The following ANTXR2 variants were observed in gnomAD, a reference collection of about 807,000 sequenced individuals.
ANTXR2 encodes ANTXR cell adhesion molecule 2.
A neutral mutation model predicts 73.7 loss-of-function variants in ANTXR2; 44 were observed. The ratio of observed to expected loss-of-function variants is 0.60; its 90% CI spans 0.47 to 0.77. The LOEUF (loss-of-function observed/expected upper bound fraction) is 0.77, where lower values mean the gene tolerates loss of function less well. Ranked by LOEUF, ANTXR2 falls within the 30% of genes least tolerant of loss-of-function variation. ANTXR2 has a pLI of 0.00. For synonymous variants in ANTXR2, 217 were observed against 205.9 expected (o/e 1.05, Z -0.46); for missense variants, 604 against 592.5 (o/e 1.02, Z -0.20).
At chr4:79,930,813 T>C (rs1728026689) in intron 16 of ANTXR2, among the ~76,000 whole-genome samples, 3 of 152,216 alleles carry the variant, frequency 2.0e-5, no homozygotes, top group African/African-American at 4.8e-5. Context: ...TAAAAATAGA[T>C]ATAGTGTAAA....
chr4:79,963,102 G>C (rs1192271777), intron 16 of ANTXR2, among the ~76,000 whole-genome samples: 1 of 152,166 alleles, frequency 6.6e-6, no homozygotes, highest in Non-Finnish European at 1.5e-5. Flanking sequence ...TGGTTTAAGA[G>C]TGCCAAGCAC....
Position 80,055,971 on chromosome 4 carries a change from A to G in ANTXR2, c.339T>C (p.Ser113=). The G allele has an allele frequency of 6.4e-7, 1 of 1,571,162 alleles. No homozygotes were observed. ...CATGGATATATGTCTCTCCTACTGG[A>G]CTAACACGTTTTAAATCCTCCAAGC... The part of the protein sequence containing the change: ...SKGLEDLKRV[S]PVGETYIHEG... Residue 113 remains serine, a synonymous_variant, in exon 4 of 17, where the codon AGT becomes AGC. Transcript: ENST00000403729.
rs995416393 is a variant in ANTXR2 at position 79,978,107 on chromosome 4, A to G, written c.1247T>C (p.Val416Ala). Reference sequence around the variant, plus strand: ...TTCCTCTGTTTCTTCAGGAATCTTCACCACAGCATTTTTGGCTTTCTCTAG... The same window carrying G: ...TTCCTCTGTTTCTTCAGGAATCTTCGCCACAGCATTTTTGGCTTTCTCTAG... ...ARLEKAKNAV[V>A]KIPEETEEPI... The change falls in exon 15 of 17, where the codon GTG (valine) becomes GCG (alanine). Residue 416 changes from valine (V) to alanine (A), a missense_variant. Coordinates refer to ENST00000403729, the MANE Select transcript of ANTXR2 (RefSeq NM_058172.6). 5.0e-6 allele frequency: 8 copies of G among 1,613,934 alleles called. No individual in the cohort carries two copies. The highest frequency in any genetic ancestry group is 6.8e-6 in the Non-Finnish European group (8 of 1,179,856).
intron 3 of ANTXR2, among the ~76,000 whole-genome samples, chr4:80,057,884 T>G (rs1038850501): frequency 6.6e-6 from 1 of 152,058 alleles, no homozygotes; most frequent in Non-Finnish European, 1.5e-5. Context: ...GTTCAATAAA[T>G]TTTTCAATAT....
rs989298132 is a variant in ANTXR2 at position 79,978,378 on chromosome 4, A to C, written c.1180-204T>G. Among the ~76,000 whole-genome samples the C allele has an allele frequency of 3.2e-4, 49 of 152,128 alleles. 1 individual carries two copies. Among genetic ancestry groups the C allele is most frequent in the Non-Finnish European group, 5.9e-4 (40 of 68,018 alleles). ...ATTTAATATTAAGATCCAAAAAAAA[A>C]AAAAACCCTTTGTAAAAAAATCTGG... On this transcript the variant is annotated intron_variant, in intron 14 of 16. Coordinates refer to ENST00000403729, the MANE Select transcript of ANTXR2 (RefSeq NM_058172.6).
chr4:80,017,726 GA>G (rs1270200978), intron 11 of ANTXR2, among the ~76,000 whole-genome samples: 1 of 152,134 alleles, frequency 6.6e-6, no homozygotes, highest in Non-Finnish European at 1.5e-5. Context: ...TAAACACTGA[GA>G]AACTACAAAC....
At chr4:79,916,892 G>T (rs1049159575) in intron 16 of ANTXR2, among the ~76,000 whole-genome samples, 3 of 151,988 alleles carry the variant, frequency 2.0e-5, no homozygotes, top group Non-Finnish European at 2.9e-5. Flanking sequence ...TAAAGGGAAA[G>T]AAAAAAATAA....
intron 11 of ANTXR2, among the ~76,000 whole-genome samples, chr4:80,010,557 G>T (rs1731522538): frequency 6.6e-6 from 1 of 152,056 alleles, no homozygotes; most frequent in Non-Finnish European, 1.5e-5. Context: ...CCTTTTCTTA[G>T]AATTCACACC....
chr4:80,015,773 T>G (rs1432908097), intron 11 of ANTXR2, among the ~76,000 whole-genome samples: 1 of 134,702 alleles, frequency 7.4e-6, no homozygotes, highest in African/African-American at 2.9e-5. Flanking sequence ...ACTGAAGGAC[T>G]AGGGAGAAGG....
At chr4:80,054,450 C>A (rs1578188728) in intron 6 of ANTXR2, 98 bp from the exon 7 acceptor site, 1 of 844,872 alleles carries the variant, frequency 1.2e-6, no homozygotes, top group Non-Finnish European at 1.9e-6. Context: ...TGAAAAATTA[C>A]CCCACAGGAT....
chr4:80,059,719 C>A (rs973984825), intron 3 of ANTXR2, among the ~76,000 whole-genome samples: 5 of 151,854 alleles, frequency 3.3e-5, no homozygotes, highest in Non-Finnish European at 7.4e-5. Flanking sequence ...TCCCTAATTT[C>A]TTTGCTGAGA....
chr4:80,009,347 A>G (rs1412656922), intron 11 of ANTXR2, among the ~76,000 whole-genome samples: 3 of 152,048 alleles, frequency 2.0e-5, no homozygotes, highest in Non-Finnish European at 2.9e-5. Flanking sequence ...TCTTCCTTGG[A>G]CCCTTTGACT....
At chr4:79,936,557 G>C (rs540271754) in intron 16 of ANTXR2, among the ~76,000 whole-genome samples, 1 of 151,488 alleles carries the variant, frequency 6.6e-6, no homozygotes, top group Non-Finnish European at 1.5e-5. Context: ...CCTCATAAAA[G>C]CTTAGGTATA....
chr4:80,039,009 A>G (rs1157919799), intron 7 of ANTXR2, among the ~76,000 whole-genome samples: 1 of 152,142 alleles, frequency 6.6e-6, no homozygotes, highest in Non-Finnish European at 1.5e-5. Flanking sequence ...CAACCAATAA[A>G]TGCTTAAGGA....
At chr4:80,027,377 A>C (rs182597157) in intron 10 of ANTXR2, among the ~76,000 whole-genome samples, 103 of 152,270 alleles carry the variant, frequency 6.8e-4, no homozygotes, top group African/African-American at 2.3e-3. Flanking sequence ...AGTTGAAGAA[A>C]ATAAAAAGAT....
intron 12 of ANTXR2, among the ~76,000 whole-genome samples, chr4:79,998,865 C>T (rs976723385): frequency 3.3e-5 from 5 of 151,954 alleles, no homozygotes; most frequent in East Asian, 1.9e-4. Flanking sequence ...ATGGTAGTGC[C>T]TAAATATTCA....
chr4:80,024,128 T>C (rs1732304959), intron 10 of ANTXR2, among the ~76,000 whole-genome samples: 1 of 151,940 alleles, frequency 6.6e-6, no homozygotes, highest in Admixed American at 6.6e-5. Context: ...GGAGTTAGAA[T>C]AAAAAGGACA....
Position 80,072,531 on chromosome 4 carries a change from G to A in ANTXR2, c.30C>T (p.Ser10=), listed in dbSNP as rs751446509. The change falls in exon 1 of 17, where the codon AGC becomes AGT. Residue 10 remains serine (S), a synonymous_variant. Transcript: ENST00000403729. ...GCCCGGGGAACAGCCAGCTCCCGGG[G>A]CTGCGGGCCGGGGACCGCTCCGCCA... is the stretch of plus-strand genomic sequence containing the variant. MVAERSPAR[S]PGSWLFPGLW... 5 of 1,591,268 alleles carry A rather than the reference G, an allele frequency of 3.1e-6. No homozygotes were observed. The highest frequency in any genetic ancestry group is 3.5e-5 in the Admixed American group (2 of 56,430).
chr4:80,026,355 C>T (rs1204927137), intron 10 of ANTXR2, among the ~76,000 whole-genome samples: 1 of 152,146 alleles, frequency 6.6e-6, no homozygotes, highest in African/African-American at 2.4e-5. Context: ...TTTCCTGAGG[C>T]TTCCCCAGTC....
Sources: gnomAD v4.1 joint callset for allele counts (sites outside exome capture counted in the v4.1 genomes callset) on GRCh38, gnomAD v4.1.1 for gene constraint, MANE v1.5 for transcripts, NCBI Gene and HGNC (gene_info 2026-07-23, HGNC 2026-07-21) for gene names.